Variants in ITPR2 observed in about 807,000 individuals in gnomAD.
ITPR2 encodes inositol 1,4,5-trisphosphate receptor type 2, also known as inositol 1,4,5-trisphosphate-gated calcium channel ITPR2.
Under a neutral mutation model 317.1 loss-of-function variants are expected in ITPR2, and 207 were observed. That is an observed-to-expected ratio of 0.65 (90% CI 0.58 to 0.73). ITPR2 has a LOEUF of 0.73. ITPR2 is among the 30% of genes least tolerant of loss of function. The probability of loss-of-function intolerance (pLI) is 0.00; values close to 1 mark genes in which losing one functional copy is unlikely to be tolerated. For synonymous variants in ITPR2, 1,156 were observed against 1,149.1 expected (o/e 1.01, Z -0.12); for missense variants, 2,613 against 3,284.0 (o/e 0.80, Z 4.99).
At chr12:26,396,289 T>C (rs1373578506) in intron 54 of ITPR2, among the ~76,000 whole-genome samples, 1 of 152,180 alleles carries the variant, frequency 6.6e-6, no homozygotes, top group Non-Finnish European at 1.5e-5. Context: ...TCTCAGCCTC[T>C]TCCTGATCTC....
chr12:26,408,818 C>T (rs917631277), intron 52 of ITPR2, among the ~76,000 whole-genome samples: 2 of 152,128 alleles, frequency 1.3e-5, no homozygotes, highest in Non-Finnish European at 2.9e-5. Flanking sequence ...AAGACCAATG[C>T]AAGCATAGGG....
chr12:26,485,884 G>A (rs1398525120), intron 41 of ITPR2, among the ~76,000 whole-genome samples: 1 of 152,194 alleles, frequency 6.6e-6, no homozygotes. Flanking sequence ...TGAGGAGGAT[G>A]ACACTGTATG....
intron 37 of ITPR2, among the ~76,000 whole-genome samples, chr12:26,526,219 A>T (rs1231115004): frequency 6.6e-6 from 1 of 152,250 alleles, no homozygotes; most frequent in African/African-American, 2.4e-5. Flanking sequence ...GAAAAAAATG[A>T]ATAAATGTTG....
At chr12:26,816,953 G>T (rs1950866080) in intron 1 of ITPR2, among the ~76,000 whole-genome samples, 1 of 151,940 alleles carries the variant, frequency 6.6e-6, no homozygotes, top group Non-Finnish European at 1.5e-5. Context: ...GCCAAGGTGG[G>T]CGGATCACGA....
intron 53 of ITPR2, among the ~76,000 whole-genome samples, chr12:26,399,561 A>C (rs923950733): frequency 6.6e-6 from 1 of 152,190 alleles, no homozygotes; most frequent in Non-Finnish European, 1.5e-5. Flanking sequence ...ACAGAAGAGG[A>C]ACCTGAGGTT....
At chr12:26,726,847 G>T (rs1193112042) in intron 2 of ITPR2, among the ~76,000 whole-genome samples, 1 of 152,074 alleles carries the variant, frequency 6.6e-6, no homozygotes, top group African/African-American at 2.4e-5. Context: ...AAATATGGCT[G>T]TAAAATTTGT....
chr12:26,366,297 G>A (rs1316170966), intron 55 of ITPR2, among the ~76,000 whole-genome samples: 1 of 152,056 alleles, frequency 6.6e-6, no homozygotes, highest in Non-Finnish European at 1.5e-5. Flanking sequence ...TTCATGCCCT[G>A]TGCAACTGTT....
chr12:26,672,979 A>G (rs1947820629), intron 13 of ITPR2, among the ~76,000 whole-genome samples: 1 of 152,170 alleles, frequency 6.6e-6, no homozygotes, highest in Admixed American at 6.5e-5. Flanking sequence ...TGACACATAC[A>G]CTCTCCCAAG....
At position 26,622,260 on chromosome 12, in the gene ITPR2, C is replaced by T; in HGVS notation, c.3268G>A (p.Val1090Ile). The part of the protein sequence containing the change: ...LFKHFSQRAE[V>I]LQAFKQVQLL... ...CTTACCTGCTTAAATGCCTGTAAAA[C>T]CTCTGCCCTCTGGCTGAAGTGCTTA... The change falls in exon 25 of 57, where the codon GTT becomes ATT. Residue 1090 changes from valine to isoleucine, a missense_variant. By Grantham distance (29) the Val-to-Ile change is conservative. Around this residue, in one of 9 missense-constraint regions of ITPR2, gnomAD observed 817 missense variants for 897.6 expected, o/e 0.91. Coordinates refer to ENST00000381340, the MANE Select transcript of ITPR2 (RefSeq NM_002223.4). The T allele has an allele frequency of 6.2e-7, 1 of 1,612,686 alleles. No homozygotes were observed. Among genetic ancestry groups the T allele is most frequent in the Non-Finnish European group, 8.5e-7 (1 of 1,179,484 alleles).
rs570463077 is a variant in ITPR2 at position 26,556,127 on chromosome 12, C to A, written c.4964+106G>T. The stretch of plus-strand genomic sequence containing the variant: ...TTTAACATGGATTTTAGACCTTTCG[C>A]ATACTTTGCGGACTGTCATTTTATA... On this transcript the variant is annotated intron_variant, in intron 36 of 56. Coordinates refer to ENST00000381340, the MANE Select transcript of ITPR2 (RefSeq NM_002223.4). The A allele has an allele frequency of 2.7e-5, 28 of 1,026,428 alleles. No homozygotes were observed. In the East Asian group the frequency reaches 6.9e-4, roughly 25 times the overall value. 63.6% of individuals were successfully genotyped at this position (1,026,428 alleles called of 1,614,324 possible).
chr12:26,401,021 G>C (rs1322426850), intron 52 of ITPR2, among the ~76,000 whole-genome samples: 1 of 152,132 alleles, frequency 6.6e-6, no homozygotes, highest in Non-Finnish European at 1.5e-5. Flanking sequence ...CTTGAGGTCA[G>C]GAGTTTGAGA....
chr12:26,732,678 C>T (rs1355807211), intron 2 of ITPR2, among the ~76,000 whole-genome samples: 1 of 152,222 alleles, frequency 6.6e-6, no homozygotes. Flanking sequence ...CCAAGATCCT[C>T]TGAACCCTAC....
chr12:26,526,629 TG>T (rs1943814805), intron 37 of ITPR2, among the ~76,000 whole-genome samples: 1 of 151,770 alleles, frequency 6.6e-6, no homozygotes, highest in Non-Finnish European at 1.5e-5. Context: ...TGTTACTCTA[TG>T]AAAAAAAAAG....
intron 2 of ITPR2, among the ~76,000 whole-genome samples, chr12:26,778,120 A>G (rs1041036967): frequency 2.0e-5 from 3 of 152,184 alleles, no homozygotes; most frequent in African/African-American, 7.2e-5. Flanking sequence ...ATTGCCATAG[A>G]CATACTTAGC....
rs777921024 is a variant in ITPR2, at chr12:26,725,608, C to G, written c.279+42G>C. On this transcript the variant is annotated intron_variant, in intron 3 of 56. Coordinates refer to ENST00000381340, the MANE Select transcript of ITPR2 (RefSeq NM_002223.4). ...TAAATACATTTTTATTATTGCTGTACTTGGTTAGCCTAAGCCAGACAATTG... is the reference window on the plus strand; with the variant it reads ...TAAATACATTTTTATTATTGCTGTAGTTGGTTAGCCTAAGCCAGACAATTG... The G allele has an allele frequency of 2.3e-6, 3 of 1,319,160 alleles. No individual in the cohort carries two copies. In the South Asian group the frequency reaches 3.6e-5, roughly 16 times the overall value. The allele number at this position is 1,319,160 out of a possible 1,614,324, so 81.7% of individuals were successfully genotyped here.
intron 54 of ITPR2, among the ~76,000 whole-genome samples, chr12:26,388,813 G>A (rs1410716148): frequency 6.6e-6 from 1 of 152,126 alleles, no homozygotes; most frequent in Non-Finnish European, 1.5e-5. Context: ...CTGATGGCTA[G>A]GCCTCATCTT....
chr12:26,476,842 G>T, intron 44 of ITPR2, 70 bp downstream of exon 44: 1 of 914,688 alleles, frequency 1.1e-6, no homozygotes, highest in South Asian at 1.5e-5. Flanking sequence ...TTTTTTTTCT[G>T]ACATGCATTC....
chr12:26,377,652 A>T lies in ITPR2; in HGVS notation c.7857+9782T>A, dbSNP rs542047419. On this transcript the variant is annotated intron_variant, in intron 55 of 56. Transcript: ENST00000381340. ...AAATTTTACCTGATTATTCACTAGA[A>T]GAAGGCATAGCTAAAGGTAAAATCA... Among the ~76,000 whole-genome samples, 21 of 152,352 alleles carry T rather than the reference A, an allele frequency of 1.4e-4. 1 individual carries two copies. In the South Asian group the frequency reaches 4.1e-3, roughly 30 times the overall value.
intron 51 of ITPR2, among the ~76,000 whole-genome samples, chr12:26,411,624 C>T (rs1030342815): frequency 1.3e-5 from 2 of 152,244 alleles, no homozygotes; most frequent in African/African-American, 4.8e-5. Context: ...GGCCAACCCA[C>T]TAAAAGCCTT....
Sources: allele counts gnomAD v4.1 joint callset (sites outside exome capture counted in the v4.1 genomes callset), GRCh38; gene constraint gnomAD v4.1.1; regional missense constraint gnomAD v4.1.1; transcripts MANE v1.5; gene names NCBI Gene and HGNC (gene_info 2026-07-23, HGNC 2026-07-21).